The following SMG7 variants were observed in gnomAD, a reference collection of about 807,000 sequenced individuals.
The protein encoded by SMG7 is SMG7 nonsense mediated mRNA decay factor, also known as nonsense-mediated mRNA decay factor SMG7.
In SMG7, 34 loss-of-function variants were observed where a neutral mutation model predicts 148.2. That is an observed-to-expected ratio of 0.23 (90% CI 0.17 to 0.31). The LOEUF (loss-of-function observed/expected upper bound fraction) is 0.31. SMG7 is among the 10% of genes least tolerant of loss of function. The pLI is 1.00. For missense variants in SMG7, 1,114 were observed against 1,408.4 expected (o/e 0.79, Z 3.35); for synonymous variants, 492 against 515.1 (o/e 0.96, Z 0.61).
rs759666348 is a variant in SMG7 at position 183,526,648 on chromosome 1, A to C, written c.365A>C (p.Lys122Thr). 7 of 1,613,536 alleles carry C rather than the reference A, an allele frequency of 4.3e-6. No homozygotes were observed. The African/African-American group carries it at 6.7e-5, about 15-fold the overall frequency. The change falls in exon 5 of 23, where the codon AAG becomes ACG. Residue 122 changes from lysine (K) to threonine (T), a missense_variant. Physicochemically the swap from Lys to Thr is moderately conservative, Grantham distance 78. Transcript: ENST00000688051. Reference protein sequence around the residue: ...VFNVDLPCRVKSSQLGIISNK... With the variant: ...VFNVDLPCRVTSSQLGIISNK... ...AATGTAGATTTACCATGCCGTGTGA[A>C]GTCTTCCCAATTGGGAATTATCAGC...
At position 183,477,548 on chromosome 1, in the gene SMG7, A is replaced by G. The variant is rs1195103823; in HGVS notation, c.29+4899A>G. Among the ~76,000 whole-genome samples the G allele has an allele frequency of 3.9e-4, 57 of 147,440 alleles. 1 individual carries two copies. The highest frequency in any genetic ancestry group is 6.6e-4 in the South Asian group (3 of 4,564). ...TGTGCATATGTGTATATATGCATAT[A>G]TACGTGTGTGCATATGTGTATATAT... is the stretch of plus-strand genomic sequence containing the variant. On this transcript the variant is annotated intron_variant, in intron 1 of 22. Transcript: ENST00000688051.
intron 10 of SMG7, among the ~76,000 whole-genome samples, chr1:183,534,436 A>C (rs1177600108): frequency 6.6e-6 from 1 of 152,224 alleles, no homozygotes; most frequent in Non-Finnish European, 1.5e-5. Flanking sequence ...CTTGGCACCA[A>C]ATAGGAAGTT....
chr1:183,551,807 C>G lies in SMG7; in HGVS notation c.3451-11C>G. ...TTGACCTCTGCTGACAAGATCTGGA[C>G]TGTTTTTCAGTCTATCTGGTCCAGT... On this transcript the variant is annotated splice_polypyrimidine_tract_variant and intron_variant, in intron 22 of 22. Transcript: ENST00000688051. 6.3e-7 allele frequency: 1 copy of G among 1,588,768 alleles called. No homozygotes were observed. Among genetic ancestry groups the G allele is most frequent in the Non-Finnish European group, 8.6e-7 (1 of 1,162,668 alleles).
At chr1:183,475,002 AT>A (rs1651794824) in intron 1 of SMG7, among the ~76,000 whole-genome samples, 1 of 152,162 alleles carries the variant, frequency 6.6e-6, no homozygotes, top group African/African-American at 2.4e-5. Context: ...AGTTGTAGAG[AT>A]TATCAAGTTT....
chr1:183,502,447 TATTATTCATACTCTGTGA>T, intron 1 of SMG7: 1 of 1,384,428 alleles, frequency 7.2e-7, no homozygotes, highest in East Asian at 2.5e-5. Context: ...TGGAGATGTG[TATTATTCATACTCTGTGA>T]ATACTAATAA....
chr1:183,540,704 A>G (rs150145641), intron 12 of SMG7, among the ~76,000 whole-genome samples: 16 of 152,360 alleles, frequency 1.1e-4, no homozygotes, highest in African/African-American at 2.9e-4. Context: ...CTTTCCTAAT[A>G]AAAAGTTGTG....
Position 183,526,629 on chromosome 1 carries a change from G to A in SMG7, c.346G>A (p.Asp116Asn). ...AGAACTGTGTACAGTATTTAATGTA[G>A]ATTTACCATGCCGTGTGAAGTCTTC... ...LQELCTVFNVDLPCRVKSSQL... is the reference protein window; with the variant it reads ...LQELCTVFNVNLPCRVKSSQL... Residue 116 changes from aspartate (D) to asparagine (N), a missense_variant, in exon 5 of 23, where the codon GAT becomes AAT. By Grantham distance (23) the Asp-to-Asn change is conservative (BLOSUM62 1). Transcript: ENST00000688051. 6.2e-7 allele frequency: 1 copy of A among 1,613,166 alleles called. No homozygotes were observed. Among genetic ancestry groups the A allele is most frequent in the South Asian group, 1.1e-5 (1 of 90,958 alleles).
At chr1:183,474,430 G>C (rs1314198470) in intron 1 of SMG7, among the ~76,000 whole-genome samples, 1 of 152,200 alleles carries the variant, frequency 6.6e-6, no homozygotes, top group Non-Finnish European at 1.5e-5. Context: ...TGGGCATGGT[G>C]GTGGGCGCCT....
intron 1 of SMG7, 184 bp downstream of exon 1, chr1:183,472,833 C>A: frequency 2.2e-6 from 1 of 458,388 alleles, no homozygotes; most frequent in Non-Finnish European, 3.6e-6. Context: ...GTGCCTAGCC[C>A]CTACCGCCCG....
intron 11 of SMG7, among the ~76,000 whole-genome samples, chr1:183,538,144 T>G (rs763571304): frequency 6.6e-6 from 1 of 152,222 alleles, no homozygotes; most frequent in Admixed American, 6.5e-5. Flanking sequence ...TAAAAAGCCA[T>G]TCTCCTCAGC....
At chr1:183,489,240 T>C (rs1248120166) in intron 1 of SMG7, among the ~76,000 whole-genome samples, 1 of 152,164 alleles carries the variant, frequency 6.6e-6, no homozygotes, top group African/African-American at 2.4e-5. Flanking sequence ...CTGTGTTAAA[T>C]AGTAAGATAC....
At chr1:183,474,510 GCCGA>G (rs1466083854) in intron 1 of SMG7, among the ~76,000 whole-genome samples, 1 of 152,232 alleles carries the variant, frequency 6.6e-6, no homozygotes, top group African/African-American at 2.4e-5. Flanking sequence ...GTTGCAGTGA[GCCGA>G]GATGGCGTCA....
At chr1:183,482,708 T>C (rs1017446928) in intron 1 of SMG7, among the ~76,000 whole-genome samples, 5 of 152,198 alleles carry the variant, frequency 3.3e-5, no homozygotes, top group Non-Finnish European at 7.4e-5. Context: ...GTGCCTAATT[T>C]ATAAGTTAAA....
At chr1:183,499,817 A>G (rs1659351874) in intron 1 of SMG7, among the ~76,000 whole-genome samples, 1 of 152,038 alleles carries the variant, frequency 6.6e-6, no homozygotes, top group Non-Finnish European at 1.5e-5. Context: ...TTTTAATTCT[A>G]GTATCTACTC....
intron 1 of SMG7, 89 bp downstream of exon 1, chr1:183,472,738 C>G: frequency 1.7e-6 from 2 of 1,192,156 alleles, no homozygotes; most frequent in Non-Finnish European, 1.1e-6. Flanking sequence ...TCCGGGGTGG[C>G]GGGGGAGTTG....
chr1:183,549,653 C>T, intron 19 of SMG7, 111 bp from the exon 20 acceptor site: 1 of 813,428 alleles, frequency 1.2e-6, no homozygotes, highest in Non-Finnish European at 2.0e-6. Context: ...TTCAAAATTT[C>T]TCTTCCTAAG....
At chr1:183,521,073 T>C (rs1043775717) in intron 4 of SMG7, among the ~76,000 whole-genome samples, 3 of 130,704 alleles carry the variant, frequency 2.3e-5, no homozygotes, top group Admixed American at 7.4e-5. Flanking sequence ...TTTCACTTGC[T>C]TTTTTTTTTT....
intron 19 of SMG7, 78 bp downstream of exon 19, chr1:183,549,366 G>A: frequency 9.4e-6 from 10 of 1,062,728 alleles, no homozygotes; most frequent in Middle Eastern, 2.0e-4. Flanking sequence ...GTTTCAGTAT[G>A]TCTGTTTTTT....
intron 1 of SMG7, among the ~76,000 whole-genome samples, chr1:183,503,220 A>G (rs533420292): frequency 1.3e-5 from 2 of 152,358 alleles, no homozygotes; most frequent in African/African-American, 2.4e-5. Flanking sequence ...TTAGTAATAT[A>G]TGAAAGCTAA....
Sources: allele counts gnomAD v4.1 joint callset (sites outside exome capture counted in the v4.1 genomes callset), GRCh38; gene constraint gnomAD v4.1.1; transcripts MANE v1.5; gene names NCBI Gene and HGNC (gene_info 2026-07-23, HGNC 2026-07-21).